The following CDH12 variants were observed in gnomAD, a reference collection of about 807,000 sequenced individuals.
CDH12 encodes the protein cadherin-12.
A neutral mutation model predicts 74.1 loss-of-function variants in CDH12; 41 were observed. The ratio of observed to expected loss-of-function variants is 0.55; its 90% CI spans 0.43 to 0.72. The LOEUF (loss-of-function observed/expected upper bound fraction) is 0.72, where lower values mean the gene tolerates loss of function less well. Ranked by LOEUF, CDH12 falls within the 30% of genes least tolerant of loss-of-function variation. The pLI, the probability that CDH12 is intolerant of heterozygous loss-of-function variation, is 0.00. For missense variants in CDH12, 945 were observed against 977.2 expected, an observed-to-expected ratio of 0.97 and a Z score of 0.44; for synonymous variants, 399 against 355.0, an observed-to-expected ratio of 1.12 and a Z score of -1.39.
chr5:22,072,297 C>T (rs1212025610), intron 5 of CDH12, among the ~76,000 whole-genome samples: 1 of 152,058 alleles, frequency 6.6e-6, no homozygotes. Flanking sequence ...AAGTAGTTGG[C>T]TTTACACTCT....
At chr5:21,943,032 A>C (rs1371216444) in intron 6 of CDH12, among the ~76,000 whole-genome samples, 1 of 152,066 alleles carries the variant, frequency 6.6e-6, no homozygotes, top group South Asian at 2.1e-4. Context: ...ATGAGTTCTC[A>C]TGAGATCTGA....
At chr5:22,089,504 A>G (rs1226544485) in intron 4 of CDH12, among the ~76,000 whole-genome samples, 1 of 152,206 alleles carries the variant, frequency 6.6e-6, no homozygotes, top group Non-Finnish European at 1.5e-5. Flanking sequence ...AGTTGATAAT[A>G]TCTCATCAAA....
At chr5:22,563,683 A>C (rs1739167807) in intron 1 of CDH12, among the ~76,000 whole-genome samples, 2 of 152,118 alleles carry the variant, frequency 1.3e-5, no homozygotes, top group African/African-American at 4.8e-5. Flanking sequence ...CTGTTTTCAC[A>C]CTGTTGATAA....
At chr5:22,405,997 TA>T in intron 2 of CDH12, among the ~76,000 whole-genome samples, 1 of 152,318 alleles carries the variant, frequency 6.6e-6, no homozygotes, top group South Asian at 2.1e-4. Flanking sequence ...TAATGGCAAG[TA>T]AAAATGTTTG....
intron 3 of CDH12, among the ~76,000 whole-genome samples, chr5:22,318,193 C>T (rs1738712783): frequency 6.6e-6 from 1 of 152,156 alleles, no homozygotes; most frequent in East Asian, 1.9e-4. Context: ...GTTTAAGTTT[C>T]ATTAGCCAGT....
chr5:22,383,093 A>G (rs1741841250), intron 3 of CDH12, among the ~76,000 whole-genome samples: 1 of 121,796 alleles, frequency 8.2e-6, no homozygotes, highest in Non-Finnish European at 2.0e-5. Flanking sequence ...CGGCCTCGCA[A>G]AGGCTGGGAT....
intron 3 of CDH12, among the ~76,000 whole-genome samples, chr5:22,386,285 C>T (rs1741997564): frequency 2.6e-5 from 4 of 152,198 alleles, no homozygotes; most frequent in African/African-American, 9.7e-5. Flanking sequence ...TCATCTCCCA[C>T]TAGGCCTCTC....
At chr5:21,857,871 G>C (rs1031223158) in intron 6 of CDH12, among the ~76,000 whole-genome samples, 2 of 151,830 alleles carry the variant, frequency 1.3e-5, no homozygotes, top group Non-Finnish European at 2.9e-5. Flanking sequence ...TCAAAGAGCA[G>C]AAAAATTGGG....
chr5:21,891,572 T>TACACACACATACACAC (rs1752900909), intron 6 of CDH12, among the ~76,000 whole-genome samples: 1 of 144,954 alleles, frequency 6.9e-6, no homozygotes, highest in Admixed American at 7.0e-5. Flanking sequence ...CACACACACA[T>TACACACACATACACAC]ACACACACAC....
intron 4 of CDH12, among the ~76,000 whole-genome samples, chr5:22,170,032 A>T (rs1278820722): frequency 1.3e-5 from 2 of 151,938 alleles, no homozygotes; most frequent in African/African-American, 2.4e-5. Flanking sequence ...TTTATTTGCC[A>T]TTACAATCTT....
chr5:22,669,521 T>G (rs1740797207), intron 1 of CDH12, among the ~76,000 whole-genome samples: 1 of 152,204 alleles, frequency 6.6e-6, no homozygotes, highest in Admixed American at 6.5e-5. Context: ...CTGGCTTTTC[T>G]TGCAACTAAA....
intron 3 of CDH12, among the ~76,000 whole-genome samples, chr5:22,338,853 T>C (rs1032795695): frequency 5.3e-5 from 8 of 152,194 alleles, no homozygotes; most frequent in African/African-American, 1.7e-4. Context: ...AGCTCCTATG[T>C]TGTCAGATGG....
At chr5:21,827,005 C>G (rs1475069923) in intron 8 of CDH12, among the ~76,000 whole-genome samples, 4 of 152,022 alleles carry the variant, frequency 2.6e-5, no homozygotes, top group African/African-American at 9.7e-5. Flanking sequence ...AAGCTACTAT[C>G]GTGATGTCTT....
intron 4 of CDH12, among the ~76,000 whole-genome samples, chr5:22,198,900 T>C (rs1750769304): frequency 6.6e-6 from 1 of 151,926 alleles, no homozygotes; most frequent in Non-Finnish European, 1.5e-5. Context: ...TATTTATTTA[T>C]TTAGTAAAAA....
At chr5:22,229,666 G>T (rs1170606250) in intron 3 of CDH12, among the ~76,000 whole-genome samples, 1 of 151,896 alleles carries the variant, frequency 6.6e-6, no homozygotes, top group African/African-American at 2.4e-5. Flanking sequence ...ATGATTCTAG[G>T]CCATCATTTT....
At chr5:22,574,469 A>C (rs1260044494) in intron 1 of CDH12, among the ~76,000 whole-genome samples, 1 of 152,122 alleles carries the variant, frequency 6.6e-6, no homozygotes, top group Non-Finnish European at 1.5e-5. Flanking sequence ...CCATGCTTAC[A>C]ATGTTTTATA....
chr5:22,098,776 C>G (rs1013316188), intron 4 of CDH12, among the ~76,000 whole-genome samples: 1 of 152,026 alleles, frequency 6.6e-6, no homozygotes, highest in East Asian at 1.9e-4. Context: ...CCAATGTCCC[C>G]GTATTTCCTT....
At chr5:22,743,213 C>T (rs1745114569) in intron 1 of CDH12, among the ~76,000 whole-genome samples, 1 of 150,206 alleles carries the variant, frequency 6.7e-6, no homozygotes, top group South Asian at 2.1e-4. Flanking sequence ...CTTGCTCACT[C>T]ATACTGCAAA....
At position 21,880,467 on chromosome 5, in the gene CDH12, TTTCC is replaced by T. The variant is rs1207307885; in HGVS notation, c.527-25681_527-25678del. On this transcript the variant is annotated intron_variant, in intron 6 of 14. Transcript: ENST00000382254. ...CCTTCTTTCCTTCCTTCCTTCCTTC[TTTCC>T]TTCCTTCCTTCCTTCCTTCCTTCCT... 3.8e-3 allele frequency among the ~76,000 whole-genome samples: 325 copies of T among 84,872 alleles called. 15 individuals are homozygous for T. Among genetic ancestry groups the T allele is most frequent in the Middle Eastern group, 0.016 (2 of 126 alleles). The allele number at this position is 84,872 out of a possible 152,430, so 55.7% of individuals were successfully genotyped here.
Sources: allele counts gnomAD v4.1 joint callset (sites outside exome capture counted in the v4.1 genomes callset), GRCh38; gene constraint gnomAD v4.1.1; transcripts MANE v1.5; gene names NCBI Gene and HGNC (gene_info 2026-07-23, HGNC 2026-07-21).